The following PIGB variants were observed in gnomAD, a reference collection of about 807,000 sequenced individuals.
The protein encoded by PIGB is phosphatidylinositol glycan anchor biosynthesis class B.
Under a neutral mutation model 68.4 loss-of-function variants are expected in PIGB, and 58 were observed. The observed-to-expected ratio is 0.85, with a 90% CI of 0.69 to 1.06. The LOEUF is 1.06. Ranked by LOEUF, PIGB falls within the 50% of genes least tolerant of loss-of-function variation. The pLI, the probability that PIGB is intolerant of heterozygous loss-of-function variation, is 0.00. For synonymous variants in PIGB, 219 were observed against 220.5 expected (o/e 0.99, Z 0.06); for missense variants, 634 against 655.8 (o/e 0.97, Z 0.36).
Position 55,319,418 on chromosome 15 carries a change from G to A in PIGB, c.163+5G>A, listed in dbSNP as rs1284684273. On this transcript the variant is annotated splice_donor_5th_base_variant and intron_variant, in intron 1 of 11. Coordinates refer to ENST00000164305, the MANE Select transcript of PIGB (RefSeq NM_004855.5). ...AGAGCGCCAGGCGCCGCGGGGGTGA[G>A]TGAGGGGACACTGTCTGGAGAGCTC... 1.9e-6 allele frequency: 3 copies of A among 1,551,310 alleles called. No individual in the cohort carries two copies. The Admixed American group carries it at 5.9e-5, about 30-fold the overall frequency.
chr15:55,340,881 A>C, intron 8 of PIGB, 58 bp downstream of exon 8: 1 of 1,112,276 alleles, frequency 9.0e-7, no homozygotes, highest in Non-Finnish European at 1.3e-6. Flanking sequence ...AAATCAAATT[A>C]AATTCTTCAA....
chr15:55,339,372 C>G (rs1477239236), intron 7 of PIGB, 54 bp downstream of exon 7: 9 of 1,137,464 alleles, frequency 7.9e-6, no homozygotes, highest in African/African-American at 3.1e-5. Context: ...TCCATTAATA[C>G]TTTAGAACAG....
intron 9 of PIGB, among the ~76,000 whole-genome samples, chr15:55,344,888 ATCT>A (rs1203274278): frequency 9.0e-6 from 1 of 111,454 alleles, no homozygotes; most frequent in African/African-American, 3.6e-5. Flanking sequence ...CCATATTCTT[ATCT>A]TTTTTTTTTT....
At chr15:55,329,102 T>C (rs1478033850) in intron 4 of PIGB, among the ~76,000 whole-genome samples, 1 of 152,252 alleles carries the variant, frequency 6.6e-6, no homozygotes, top group African/African-American at 2.4e-5. Flanking sequence ...AACTAACAAG[T>C]TTCTTTTAAC....
chr15:55,326,241 T>C (rs969237081), intron 3 of PIGB, among the ~76,000 whole-genome samples: 7 of 151,796 alleles, frequency 4.6e-5, no homozygotes, highest in African/African-American at 1.7e-4. Context: ...AAGTATTTCT[T>C]ATTATCTTAT....
intron 6 of PIGB, among the ~76,000 whole-genome samples, chr15:55,334,732 T>A (rs2055496337): frequency 1.3e-5 from 2 of 152,216 alleles, no homozygotes; most frequent in South Asian, 4.1e-4. Context: ...ATATATTTTT[T>A]TATTTGAGAC....
chr15:55,327,720 C>A, intron 4 of PIGB, 85 bp downstream of exon 4: 1 of 777,250 alleles, frequency 1.3e-6, no homozygotes, highest in Admixed American at 2.7e-5. Flanking sequence ...ATTCCCAAAA[C>A]AATTTTAGAA....
chr15:55,343,173 T>C (rs942522277), intron 9 of PIGB: 4 of 152,208 alleles, frequency 2.6e-5, no homozygotes, highest in South Asian at 4.1e-4. Context: ...GTATTTTTGA[T>C]ACATCTGAAG....
At chr15:55,352,042 G>C (rs1437228008) in intron 10 of PIGB, among the ~76,000 whole-genome samples, 1 of 147,920 alleles carries the variant, frequency 6.8e-6, no homozygotes, top group Non-Finnish European at 1.5e-5. Flanking sequence ...TCTGCCTCCC[G>C]GGTTCAAGCG....
intron 10 of PIGB, 124 bp downstream of exon 10, chr15:55,351,036 C>A (rs2055909827): frequency 1.7e-6 from 1 of 600,506 alleles, no homozygotes; most frequent in Admixed American, 3.3e-5. Flanking sequence ...TAAACTCCCA[C>A]ATATTTATTC....
intron 9 of PIGB, among the ~76,000 whole-genome samples, chr15:55,348,814 GC>G (rs2055861348): frequency 6.6e-6 from 1 of 152,146 alleles, no homozygotes; most frequent in South Asian, 2.1e-4. Context: ...CTTTAATGTA[GC>G]TTTTTGTATT....
intron 4 of PIGB, 52 bp from the exon 5 acceptor site, chr15:55,329,671 CT>C: frequency 6.9e-7 from 1 of 1,443,948 alleles, no homozygotes. Context: ...ATAATATGTA[CT>C]AAGGTTTTCC....
In PIGB at chr15:55,321,315, T is replaced by C; in HGVS notation, c.342T>C (p.Ser114=). The part of the protein sequence containing the change: ...LTWEWTERLR[S]YTYPLIFASI... ...GGGAATGGACAGAGAGACTGAGGAGTTACACTTATCCCTTAATCTTTGCAA... is the reference window on the plus strand; with the variant it reads ...GGGAATGGACAGAGAGACTGAGGAGCTACACTTATCCCTTAATCTTTGCAA... The change falls in exon 3 of 12, where the codon AGT becomes AGC. Residue 114 remains serine, a synonymous_variant. Transcript: ENST00000164305. 6.2e-7 allele frequency: 1 copy of C among 1,606,982 alleles called. No individual in the cohort carries two copies. The highest frequency in any genetic ancestry group is 8.5e-7 in the Non-Finnish European group (1 of 1,174,944).
At chr15:55,351,532 A>C (rs1422274515) in intron 10 of PIGB, 1 of 152,198 alleles carries the variant, frequency 6.6e-6, no homozygotes, top group Non-Finnish European at 1.5e-5. Context: ...TTACCTTACT[A>C]CAAATCTCTG....
intron 9 of PIGB, among the ~76,000 whole-genome samples, chr15:55,345,256 T>A (rs1483805144): frequency 2.0e-5 from 3 of 148,848 alleles, no homozygotes; most frequent in South Asian, 4.3e-4. Context: ...CACAAGGAAT[T>A]AAAAAAAAAA....
At chr15:55,346,398 AAT>A (rs2141210534) in intron 9 of PIGB, 1 of 152,328 alleles carries the variant, frequency 6.6e-6, no homozygotes, top group Admixed American at 6.5e-5. Flanking sequence ...ATGGTACAAA[AAT>A]AGTGTGTCAT....
At chr15:55,350,424 G>A (rs1046784806) in intron 9 of PIGB, 82 of 408,858 alleles carry the variant, frequency 2.0e-4, no homozygotes, top group Non-Finnish European at 3.3e-4. Flanking sequence ...AAAGTAAAAC[G>A]ACTTGTGCTA....
At chr15:55,351,394 A>C (rs2055919162) in intron 10 of PIGB, among the ~76,000 whole-genome samples, 1 of 151,980 alleles carries the variant, frequency 6.6e-6, no homozygotes, top group Admixed American at 6.6e-5. Flanking sequence ...GGTGTGAGCC[A>C]CCGTGCTCGG....
At chr15:55,331,990 T>C (rs1376226019) in intron 5 of PIGB, among the ~76,000 whole-genome samples, 1 of 152,124 alleles carries the variant, frequency 6.6e-6, no homozygotes, top group African/African-American at 2.4e-5. Context: ...TTTATTTTTT[T>C]TTTTCGAGAC....
Sources: allele counts gnomAD v4.1 joint callset (sites outside exome capture counted in the v4.1 genomes callset), GRCh38; gene constraint gnomAD v4.1.1; transcripts MANE v1.5; gene names NCBI Gene and HGNC (gene_info 2026-07-23, HGNC 2026-07-21).